STPG2: variants seen among roughly 807,000 people sequenced by gnomAD.
The protein encoded by STPG2 is sperm-tail PG-rich repeat-containing protein 2.
In STPG2, 56 loss-of-function variants were observed where a neutral mutation model predicts 54.2. That is an observed-to-expected ratio of 1.03 (90% CI 0.83 to 1.29). The LOEUF is 1.29. STPG2 is among the 50% of genes most tolerant of loss of function. The pLI is 0.00. For missense variants in STPG2, 596 were observed against 544.9 expected, an observed-to-expected ratio of 1.09 and a Z score of -0.93; for synonymous variants, 200 against 181.8, an observed-to-expected ratio of 1.10 and a Z score of -0.81.
rs544675825 is a variant in STPG2 at position 97,994,066 on chromosome 4, TTTG to T, written c.613-12751_613-12749del. ...TTGTTTCATTTATCTTTTGTATTGT[TTTG>T]TTGTTGTTGTTGTTGTTTCAATTCA... On this transcript the variant is annotated intron_variant, in intron 5 of 10. Transcript: ENST00000295268. Among the ~76,000 whole-genome samples the T allele has an allele frequency of 4.5e-4, 68 of 152,220 alleles. No homozygotes were observed. In the East Asian group the frequency reaches 6.8e-3, roughly 15 times the overall value.
chr4:97,977,533 G>C lies in STPG2; in HGVS notation c.772+3626C>G, dbSNP rs573381025. 1.6e-4 allele frequency among the ~76,000 whole-genome samples: 24 copies of C among 152,252 alleles called. No homozygotes were observed. In the South Asian group the frequency reaches 5.0e-3, roughly 32 times the overall value. ...TACAATAATAAATACTACTGAGCTA[G>C]CCTCAAATGGCATTCTTAAAGTAGT... On this transcript the variant is annotated intron_variant, in intron 6 of 10. Transcript: ENST00000295268.
At chr4:97,933,455 T>C (rs566151211) in intron 8 of STPG2, among the ~76,000 whole-genome samples, 1 of 152,224 alleles carries the variant, frequency 6.6e-6, no homozygotes, top group African/African-American at 2.4e-5. Flanking sequence ...ATGTCCAGAA[T>C]GTTATTGCCT....
intron 5 of STPG2, among the ~76,000 whole-genome samples, chr4:97,997,193 G>T (rs1228953566): frequency 6.6e-6 from 1 of 152,200 alleles, no homozygotes; most frequent in Non-Finnish European, 1.5e-5. Context: ...CAATCTGAAT[G>T]CCCATCAGTA....
intron 8 of STPG2, among the ~76,000 whole-genome samples, chr4:97,922,083 T>C (rs939387268): frequency 6.6e-6 from 1 of 152,188 alleles, no homozygotes; most frequent in Non-Finnish European, 1.5e-5. Flanking sequence ...GAAGAGTAAG[T>C]TCTGATGAAT....
chr4:97,707,541 A>G (rs1723987017), intron 10 of STPG2, among the ~76,000 whole-genome samples: 1 of 152,074 alleles, frequency 6.6e-6, no homozygotes, highest in Non-Finnish European at 1.5e-5. Flanking sequence ...AAATAATTTC[A>G]ATAAATAAAA....
chr4:97,906,666 C>A (rs1288177982), intron 8 of STPG2, among the ~76,000 whole-genome samples: 8 of 151,916 alleles, frequency 5.3e-5, no homozygotes, highest in Non-Finnish European at 1.0e-4. Flanking sequence ...AGCTTATCCA[C>A]CATGATCAAG....
At chr4:98,020,507 T>C (rs534171594) in intron 5 of STPG2, among the ~76,000 whole-genome samples, 2 of 152,030 alleles carry the variant, frequency 1.3e-5, no homozygotes, top group East Asian at 1.9e-4. Flanking sequence ...TGCCCGGCTT[T>C]GGTATCAGGA....
Position 97,905,443 on chromosome 4 carries a change from G to A in STPG2, c.1044+38454C>T, listed in dbSNP as rs535648230. Among the ~76,000 whole-genome samples the A allele has an allele frequency of 4.2e-3, 639 of 151,934 alleles. 3 individuals are homozygous for A. Among genetic ancestry groups the A allele is most frequent in the South Asian group, 0.024 (115 of 4,786 alleles). On this transcript the variant is annotated intron_variant, in intron 8 of 10. Coordinates refer to ENST00000295268, the MANE Select transcript of STPG2 (RefSeq NM_174952.3). ...TCACCACCAGGCCTGCCCTAAAAGA[G>A]CTCCTGAAGGAAGTGCCAAACATGG...
intron 8 of STPG2, chr4:97,916,720 A>G (rs1352156075): frequency 6.5e-6 from 1 of 152,954 alleles, no homozygotes; most frequent in Non-Finnish European, 1.5e-5. Context: ...CTTGCCCACC[A>G]GCTTCCTCAC....
chr4:97,567,059 A>T (rs548516897), intron 10 of STPG2, among the ~76,000 whole-genome samples: 349 of 151,970 alleles, frequency 2.3e-3, no homozygotes, highest in Non-Finnish European at 3.9e-3. Context: ...AATAAATAAA[A>T]GAAAGAAATG....
rs759814957 is a variant in STPG2, at chr4:97,712,702, A to G, written c.1317T>C (p.Tyr439=). 2.3e-5 allele frequency: 36 copies of G among 1,571,176 alleles called. No homozygotes were observed. Among genetic ancestry groups the G allele is most frequent in the Non-Finnish European group, 3.0e-5 (35 of 1,157,788 alleles). ...SKEITPGPAT[Y]EISQEKKKGN... is the part of the protein sequence containing the mutation. Reference sequence around the variant, plus strand: ...TAAGAAGGAAATATTGACAAACCTCATATGTTGCTGGGCCTGGAGTAATCT... The same window carrying G: ...TAAGAAGGAAATATTGACAAACCTCGTATGTTGCTGGGCCTGGAGTAATCT... Residue 439 remains tyrosine, a synonymous_variant, in exon 10 of 11, where the codon TAT becomes TAC. Coordinates refer to ENST00000295268, the MANE Select transcript of STPG2 (RefSeq NM_174952.3).
At chr4:97,520,877 TG>T (rs1731166271) in intron 4 of STPG2, among the ~76,000 whole-genome samples, 1 of 152,040 alleles carries the variant, frequency 6.6e-6, no homozygotes, top group Admixed American at 6.6e-5. Context: ...TAACAGAGTT[TG>T]GGGGTTTTTT....
chr4:97,491,063 A>G (rs1730494177), intron 4 of STPG2, among the ~76,000 whole-genome samples: 1 of 151,484 alleles, frequency 6.6e-6, no homozygotes, highest in South Asian at 2.1e-4. Context: ...CTTTCTTAAC[A>G]TATTCTAACT....
chr4:98,070,891 C>A (rs781649247), intron 5 of STPG2, among the ~76,000 whole-genome samples: 15 of 152,166 alleles, frequency 9.9e-5, no homozygotes, highest in South Asian at 6.2e-4. Context: ...AAATTCCATG[C>A]TCATGGATAG....
chr4:97,915,633 G>C (rs1731846593), intron 8 of STPG2, among the ~76,000 whole-genome samples: 1 of 152,046 alleles, frequency 6.6e-6, no homozygotes, highest in African/African-American at 2.4e-5. Flanking sequence ...GCTTATGTTT[G>C]ACAGAGATAG....
At chr4:97,447,417 C>T (rs1729251061) in intron 4 of STPG2, among the ~76,000 whole-genome samples, 1 of 152,174 alleles carries the variant, frequency 6.6e-6, no homozygotes, top group Admixed American at 6.5e-5. Context: ...GTCTCCATGG[C>T]ATGTCAGAGA....
chr4:97,481,061 G>A (rs367718526), intron 4 of STPG2, among the ~76,000 whole-genome samples: 2 of 151,448 alleles, frequency 1.3e-5, no homozygotes, highest in African/African-American at 4.8e-5. Flanking sequence ...GCTATTTCAA[G>A]TTTAATTGTT....
At chr4:97,607,433 CA>C (rs1281293842) in intron 10 of STPG2, among the ~76,000 whole-genome samples, 1 of 152,030 alleles carries the variant, frequency 6.6e-6, no homozygotes, top group African/African-American at 2.4e-5. Flanking sequence ...ATTCACCACC[CA>C]AATCAAAGAC....
At chr4:97,542,378 T>C (rs936450428) in intron 4 of STPG2, among the ~76,000 whole-genome samples, 38 of 152,180 alleles carry the variant, frequency 2.5e-4, no homozygotes, top group African/African-American at 9.2e-4. Flanking sequence ...ATGCTCATCA[T>C]CACTGGCCAT....
Sources: allele counts gnomAD v4.1 joint callset (sites outside exome capture counted in the v4.1 genomes callset), GRCh38; gene constraint gnomAD v4.1.1; transcripts MANE v1.5; gene names NCBI Gene and HGNC (gene_info 2026-07-23, HGNC 2026-07-21).